MARK1: variants seen among roughly 807,000 people sequenced by gnomAD.
MARK1 encodes serine/threonine-protein kinase MARK1.
A neutral mutation model predicts 96.3 loss-of-function variants in MARK1; 40 were observed. That is an observed-to-expected ratio of 0.42 (90% CI 0.32 to 0.54). The LOEUF (loss-of-function observed/expected upper bound fraction) is 0.54, where lower values mean the gene tolerates loss of function less well. Among genes scored for constraint, MARK1 ranks in the 20% least tolerant of loss-of-function variants. The pLI is 0.16. For missense variants in MARK1, 719 were observed against 984.6 expected (o/e 0.73, Z 3.61); for synonymous variants, 317 against 341.2 (o/e 0.93, Z 0.78).
intron 1 of MARK1, among the ~76,000 whole-genome samples, chr1:220,557,035 T>C (rs1389586015): frequency 6.6e-6 from 1 of 152,110 alleles, no homozygotes; most frequent in Non-Finnish European, 1.5e-5. Flanking sequence ...GAGAGATACA[T>C]GTCTTCAGAT....
chr1:220,552,183 AATGGACC>A (rs1439518808), intron 1 of MARK1, among the ~76,000 whole-genome samples: 2 of 152,140 alleles, frequency 1.3e-5, no homozygotes, highest in East Asian at 3.9e-4. Context: ...CTTGCCATTT[AATGGACC>A]ATTACTATGA....
intron 14 of MARK1, 132 bp downstream of exon 14, chr1:220,650,852 G>A (rs1333903376): frequency 1.4e-5 from 8 of 591,414 alleles, no homozygotes; most frequent in Admixed American, 3.2e-5. Context: ...GCAACCAACC[G>A]TTCTTAGTAA....
intron 1 of MARK1, chr1:220,571,988 C>G (rs1218013972): frequency 6.6e-6 from 1 of 152,232 alleles, no homozygotes; most frequent in African/African-American, 2.4e-5. Context: ...ATCCTCCCAC[C>G]AGCCTCTTGA....
chr1:220,579,820 G>A (rs146605474), intron 2 of MARK1, among the ~76,000 whole-genome samples: 68 of 152,240 alleles, frequency 4.5e-4, no homozygotes, highest in African/African-American at 1.4e-3. Context: ...TCTGACTTTC[G>A]TTATATGATT....
intron 1 of MARK1, among the ~76,000 whole-genome samples, chr1:220,568,842 G>A (rs1026286655): frequency 4.6e-5 from 7 of 152,070 alleles, no homozygotes; most frequent in Admixed American, 2.0e-4. Context: ...GTTTTTTGCT[G>A]TTACAAACAG....
intron 9 of MARK1, chr1:220,627,066 A>C (rs905768797): frequency 7.4e-6 from 4 of 540,648 alleles, no homozygotes; most frequent in Non-Finnish European, 1.5e-5. Flanking sequence ...ACTAACCAGA[A>C]CACGAATGGT....
Position 220,657,803 on chromosome 1 carries a change from G to A in MARK1, c.2002G>A (p.Gly668Ser). ...CTTTGTTTTGAGGGATCCAAGTGAA[G>A]GCGAAGCCAGTGGCAGAACCGACAC... Reference protein sequence around the residue: ...SKFVRRDPSEGEASGRTDTSR... With the variant: ...SKFVRRDPSESEASGRTDTSR... Residue 668 changes from glycine to serine, a missense_variant, in exon 17 of 18, where the codon GGC becomes AGC. Gly to Ser is a moderately conservative substitution (Grantham distance 56). Around this residue, in one of 4 missense-constraint regions of MARK1, gnomAD observed 501 missense variants for 588.3 expected, o/e 0.85. Transcript: ENST00000366917. The A allele has an allele frequency of 6.3e-7, 1 of 1,576,168 alleles. No individual in the cohort carries two copies. Among genetic ancestry groups the A allele is most frequent in the African/African-American group, 1.4e-5 (1 of 72,766 alleles).
rs1669634554 is a variant in MARK1, at chr1:220,664,392, TTTCCTTGGC to T, written c.*2230_*2238del. The T allele has an allele frequency of 1.3e-5, 2 of 152,356 alleles. No individual in the cohort carries two copies. The highest frequency in any genetic ancestry group is 1.3e-4 in the Admixed American group (2 of 15,304). 9.4% of individuals were successfully genotyped at this position (152,356 alleles called of 1,614,324 possible). Reference sequence around the variant, plus strand: ...GTTCACCGGCTATGTGATACCAGGATTTCCTTGGCTTCTGTTGAAATATTATTTGATATG... The same window carrying T: ...GTTCACCGGCTATGTGATACCAGGATTTCTGTTGAAATATTATTTGATATG... On this transcript the variant is annotated 3_prime_UTR_variant, in exon 18 of 18. Transcript: ENST00000366917.
rs1660107296 is a variant in MARK1 at position 220,528,904 on chromosome 1, T to TG, written c.51+36dup. On this transcript the variant is annotated intron_variant, in intron 1 of 17. Transcript: ENST00000366917. ...TAACCGGAGCCTCCCTCGGGAGCAG[T>TG]GGGGGCGAGACCCTCCTCTGATCCC... is the stretch of plus-strand genomic sequence containing the variant. The TG allele has an allele frequency of 3.9e-6, 6 of 1,543,782 alleles. No individual in the cohort carries two copies. The East Asian group carries it at 1.0e-4, about 26-fold the overall frequency.
intron 17 of MARK1, among the ~76,000 whole-genome samples, chr1:220,658,101 T>C (rs978257672): frequency 6.6e-6 from 1 of 152,204 alleles, no homozygotes; most frequent in Non-Finnish European, 1.5e-5. Context: ...AGCTAAAGAA[T>C]TAATAGATTA....
chr1:220,629,106 G>GATAT (rs554373752), intron 9 of MARK1, among the ~76,000 whole-genome samples: 1 of 151,926 alleles, frequency 6.6e-6, no homozygotes, highest in African/African-American at 2.4e-5. Flanking sequence ...GCCTTCAAAA[G>GATAT]ATATATATAT....
chr1:220,579,050 G>A (rs542733863), intron 1 of MARK1, among the ~76,000 whole-genome samples: 2 of 151,950 alleles, frequency 1.3e-5, no homozygotes, highest in East Asian at 1.9e-4. Context: ...CTGTTTTGGC[G>A]AGGCTGGTCA....
rs571375521 is a variant in MARK1 at position 220,650,727 on chromosome 1, G to T, written c.1571+7G>T. 1.3e-6 allele frequency: 2 copies of T among 1,595,250 alleles called. No homozygotes were observed. The highest frequency in any genetic ancestry group is 2.2e-5 in the South Asian group (2 of 90,438). ...AGAATGGAAAAGACAGCAGGTAAATGCCACAGTGCCAAGTAGTAATACCTT... is the reference window on the plus strand; with the variant it reads ...AGAATGGAAAAGACAGCAGGTAAATTCCACAGTGCCAAGTAGTAATACCTT... On this transcript the variant is annotated splice_region_variant and intron_variant, in intron 14 of 17. Coordinates refer to ENST00000366917, the MANE Select transcript of MARK1 (RefSeq NM_018650.5).
chr1:220,635,295 G>T, intron 11 of MARK1, 81 bp from the exon 12 acceptor site: 1 of 1,307,488 alleles, frequency 7.6e-7, no homozygotes. Context: ...AAGTCATTTA[G>T]AAAATCAAGA....
At chr1:220,552,467 G>A (rs1013265305) in intron 1 of MARK1, among the ~76,000 whole-genome samples, 8 of 152,086 alleles carry the variant, frequency 5.3e-5, no homozygotes, top group Non-Finnish European at 1.0e-4. Flanking sequence ...TACCCAGCTG[G>A]CATCAAAACA....
rs574647761 is a variant in MARK1, at chr1:220,663,364, G to A, written c.*1198G>A. On this transcript the variant is annotated 3_prime_UTR_variant, in exon 18 of 18. Coordinates refer to ENST00000366917, the MANE Select transcript of MARK1 (RefSeq NM_018650.5). ...CACATCATTATGCCTATAATGTGCCGCTTTGTGATTGGGCATTTGCCTACT... is the reference window on the plus strand; with the variant it reads ...CACATCATTATGCCTATAATGTGCCACTTTGTGATTGGGCATTTGCCTACT... 14 of 152,612 alleles carry A rather than the reference G, an allele frequency of 9.2e-5. No individual in the cohort carries two copies. Among genetic ancestry groups the A allele is most frequent in the South Asian group, 2.1e-4 (1 of 4,828 alleles). The allele number at this position is 152,612 out of a possible 1,614,324, so 9.5% of individuals were successfully genotyped here.
rs534038673 is a variant in MARK1, at chr1:220,648,055, T to C, written c.1471-2565T>C. On this transcript the variant is annotated intron_variant, in intron 13 of 17. Transcript: ENST00000366917. ...GTACCCTGGAACTTATAAAATAAGATTTAAAAATTAAAAAAAAAAAAGAAA... is the reference window on the plus strand; with the variant it reads ...GTACCCTGGAACTTATAAAATAAGACTTAAAAATTAAAAAAAAAAAAGAAA... Among the ~76,000 whole-genome samples, 3 of 150,144 alleles carry C rather than the reference T, an allele frequency of 2.0e-5. No individual in the cohort carries two copies. In the East Asian group the frequency reaches 5.8e-4, roughly 29 times the overall value.
At chr1:220,642,007 A>T (rs1265790450) in intron 13 of MARK1, among the ~76,000 whole-genome samples, 1 of 152,236 alleles carries the variant, frequency 6.6e-6, no homozygotes, top group African/African-American at 2.4e-5. Context: ...CCCTGTCAGC[A>T]GCCGTTTGGA....
chr1:220,620,636 A>G (rs1667005800), intron 9 of MARK1, among the ~76,000 whole-genome samples: 1 of 152,154 alleles, frequency 6.6e-6, no homozygotes, highest in African/African-American at 2.4e-5. Flanking sequence ...ATTATTATTA[A>G]CATGTTGAGG....
Sources: gnomAD v4.1 joint callset for allele counts (sites outside exome capture counted in the v4.1 genomes callset) on GRCh38, gnomAD v4.1.1 for gene constraint, gnomAD v4.1.1 regional missense constraint, MANE v1.5 for transcripts, NCBI Gene and HGNC (gene_info 2026-07-23, HGNC 2026-07-21) for gene names.